NAALADL2: variants seen among roughly 807,000 people sequenced by gnomAD.
NAALADL2 encodes inactive N-acetylated-alpha-linked acidic dipeptidase-like protein 2.
NAALADL2 carries 76 observed loss-of-function variants against 87.2 expected under a neutral mutation model. The ratio of observed to expected loss-of-function variants is 0.87; its 90% CI spans 0.72 to 1.05. The LOEUF is 1.05. Among genes scored for constraint, NAALADL2 ranks in the 50% least tolerant of loss-of-function variants. The probability of loss-of-function intolerance (pLI) is 0.00; values close to 1 mark genes in which losing one functional copy is unlikely to be tolerated. For missense variants in NAALADL2, 1,089 were observed against 945.8 expected (o/e 1.15, Z -1.99); for synonymous variants, 354 against 331.0 (o/e 1.07, Z -0.75).
intron 1 of NAALADL2, among the ~76,000 whole-genome samples, chr3:175,072,688 C>CGGGGAGG (rs1417526210): frequency 1.2e-5 from 1 of 84,422 alleles, no homozygotes. Flanking sequence ...TATTGAAAAA[C>CGGGGAGG]GGGGTGGGGG....
At chr3:174,483,488 ATTATGGGGAT>A (rs1315434995) in intron 1 of NAALADL2, among the ~76,000 whole-genome samples, 2 of 151,984 alleles carry the variant, frequency 1.3e-5, no homozygotes, top group African/African-American at 2.4e-5. Flanking sequence ...ACACATGAGG[ATTATGGGGAT>A]TATGGGGATT....
chr3:175,020,000 A>G (rs544025071), intron 1 of NAALADL2, among the ~76,000 whole-genome samples: 27 of 152,096 alleles, frequency 1.8e-4, no homozygotes, highest in Non-Finnish European at 2.9e-4. Flanking sequence ...CCATTTTTTG[A>G]CTGAATCCCA....
intron 9 of NAALADL2, among the ~76,000 whole-genome samples, chr3:175,483,341 T>TA (rs59816885): frequency 6.6e-6 from 1 of 150,444 alleles, no homozygotes; most frequent in Non-Finnish European, 1.5e-5. Flanking sequence ...TTTTTTTTTT[T>TA]AACTTTCCTT....
At chr3:175,110,564 T>G (rs955047672) in intron 2 of NAALADL2, among the ~76,000 whole-genome samples, 15 of 151,944 alleles carry the variant, frequency 9.9e-5, no homozygotes, top group Admixed American at 9.9e-4. Context: ...TAACACTCAG[T>G]GTGTTCTCAG....
intron 4 of NAALADL2, among the ~76,000 whole-genome samples, chr3:175,271,648 CG>C (rs1752856792): frequency 6.6e-6 from 1 of 152,056 alleles, no homozygotes; most frequent in Non-Finnish European, 1.5e-5. Flanking sequence ...AAAAATTCGC[CG>C]GGTGTGGTGG....
intron 11 of NAALADL2, among the ~76,000 whole-genome samples, chr3:175,732,666 A>G (rs1444965937): frequency 1.3e-5 from 2 of 152,062 alleles, no homozygotes; most frequent in Non-Finnish European, 2.9e-5. Context: ...GGTGCGGGGT[A>G]AGCAAGGGCA....
chr3:175,315,321 G>T (rs145124723), intron 4 of NAALADL2, among the ~76,000 whole-genome samples: 78 of 152,238 alleles, frequency 5.1e-4, no homozygotes, highest in Middle Eastern at 3.4e-3. Flanking sequence ...AAATAATAGA[G>T]GGTGGGAGGC....
chr3:174,857,846 A>G (rs1023927575), upstream of NAALADL2, among the ~76,000 whole-genome samples: 1 of 152,078 alleles, frequency 6.6e-6, no homozygotes, highest in Admixed American at 6.6e-5. Context: ...GTAATAAATG[A>G]AAGAGACAAC....
intron 5 of NAALADL2, among the ~76,000 whole-genome samples, chr3:175,371,950 A>G (rs140498579): frequency 3.0e-4 from 46 of 152,328 alleles, no homozygotes; most frequent in Non-Finnish European, 5.9e-4. Flanking sequence ...AAGTTTTAGA[A>G]GAAATATTGC....
chr3:175,758,166 A>C (rs1747514813), intron 13 of NAALADL2, among the ~76,000 whole-genome samples: 1 of 151,972 alleles, frequency 6.6e-6, no homozygotes, highest in Admixed American at 6.6e-5. Context: ...ATGATTAAAC[A>C]CATCATTTTA....
At chr3:175,676,510 A>G (rs531541182) in intron 11 of NAALADL2, 1 of 152,236 alleles carries the variant, frequency 6.6e-6, no homozygotes, top group Non-Finnish European at 1.5e-5. Flanking sequence ...CATGATACGT[A>G]CAGAGTTGTT....
At chr3:174,908,479 C>A (rs979138869) in intron 1 of NAALADL2, among the ~76,000 whole-genome samples, 1 of 151,968 alleles carries the variant, frequency 6.6e-6, no homozygotes, top group African/African-American at 2.4e-5. Flanking sequence ...CCAGTGGCTA[C>A]AGAAATTAGG....
chr3:175,029,569 C>A (rs1054792467), intron 1 of NAALADL2, among the ~76,000 whole-genome samples: 1 of 151,982 alleles, frequency 6.6e-6, no homozygotes, highest in African/African-American at 2.4e-5. Context: ...AAAATGGCAT[C>A]CCAGTTAAAA....
At chr3:174,750,742 T>G (rs1337067257) in intron 3 of NAALADL2, among the ~76,000 whole-genome samples, 1 of 152,134 alleles carries the variant, frequency 6.6e-6, no homozygotes, top group African/African-American at 2.4e-5. Context: ...CCTATTATTC[T>G]TCTTAATTAT....
chr3:174,489,687 G>T (rs1000224342), intron 1 of NAALADL2, among the ~76,000 whole-genome samples: 2 of 152,010 alleles, frequency 1.3e-5, no homozygotes, highest in African/African-American at 4.8e-5. Context: ...CTCAGAAGAA[G>T]AAGACATGCA....
intron 11 of NAALADL2, among the ~76,000 whole-genome samples, chr3:175,650,687 G>C (rs1730650507): frequency 1.3e-5 from 2 of 152,140 alleles, no homozygotes; most frequent in South Asian, 4.1e-4. Context: ...TTTAAGGGAA[G>C]ATGTCTACTT....
intron 3 of NAALADL2, among the ~76,000 whole-genome samples, chr3:174,781,141 G>C (rs1169317796): frequency 1.3e-5 from 2 of 152,062 alleles, no homozygotes; most frequent in Non-Finnish European, 2.9e-5. Flanking sequence ...TTTCTGCAGA[G>C]AGATCCGCTG....
rs555154344 is a variant in NAALADL2, at chr3:175,582,589, A to G, written c.1800+6402A>G. On this transcript the variant is annotated intron_variant, in intron 10 of 13. Transcript: ENST00000454872. ...AAAATTGACAACAGTCAAGTTAAGA[A>G]TATAGGACAACTTTAACATATTTTA... Among the ~76,000 whole-genome samples, 87 of 152,324 alleles carry G rather than the reference A, an allele frequency of 5.7e-4. 3 individuals carry two copies. In the South Asian group the frequency reaches 0.017, roughly 30 times the overall value.
In NAALADL2 at chr3:174,885,876, GTTTTTTTTTTTTTTT is replaced by G. The variant is rs60403770; in HGVS notation, c.43+26468_43+26482del. 5.6e-3 allele frequency among the ~76,000 whole-genome samples: 569 copies of G among 101,684 alleles called. 17 individuals carry two copies. Among genetic ancestry groups the G allele is most frequent in the African/African-American group, 0.021 (550 of 26,698 alleles). The allele number at this position is 101,684 out of a possible 152,430, so 66.7% of individuals were successfully genotyped here. ...GGAGCAAGGAGAGCCAGTCCGAGTT[GTTTTTTTTTTTTTTT>G]TTTTTTTTTTTTTTTTTTTTTTTTT... On this transcript the variant is annotated intron_variant, in intron 1 of 13. Coordinates refer to ENST00000454872, the MANE Select transcript of NAALADL2 (RefSeq NM_207015.3).
Sources: gnomAD v4.1 joint callset for allele counts (sites outside exome capture counted in the v4.1 genomes callset) on GRCh38, gnomAD v4.1.1 for gene constraint, MANE v1.5 for transcripts, NCBI Gene and HGNC (gene_info 2026-07-23, HGNC 2026-07-21) for gene names.